MRPL21: variants seen among roughly 807,000 people sequenced by gnomAD.
MRPL21 encodes mitochondrial ribosomal protein L21.
Under a neutral mutation model 27.3 loss-of-function variants are expected in MRPL21, and 20 were observed. The observed-to-expected ratio is 0.73, with a 90% CI of 0.52 to 1.06. The LOEUF is 1.06. Ranked by LOEUF, MRPL21 falls within the 50% of genes least tolerant of loss-of-function variation. The pLI is 0.00. For missense variants in MRPL21, 249 were observed against 251.4 expected, an observed-to-expected ratio of 0.99 and a Z score of 0.06; for synonymous variants, 98 against 101.5, an observed-to-expected ratio of 0.97 and a Z score of 0.21.
chr11:68,903,500 G>A (rs902095091), intron 1 of MRPL21, among the ~76,000 whole-genome samples: 2 of 152,174 alleles, frequency 1.3e-5, no homozygotes, highest in Non-Finnish European at 2.9e-5. Context: ...CCATAACATA[G>A]GGCCTATACC....
At chr11:68,891,512 G>T in intron 6 of MRPL21, 117 bp from the exon 7 acceptor site, 1 of 936,760 alleles carries the variant, frequency 1.1e-6, no homozygotes. Context: ...GTCCCCTGCT[G>T]CACATGGCCG....
chr11:68,896,000 T>C (rs1258905704), intron 4 of MRPL21, among the ~76,000 whole-genome samples: 6 of 152,182 alleles, frequency 3.9e-5, no homozygotes. Context: ...TTTTGAATGG[T>C]CGGTGAGGTA....
chr11:68,900,639 T>C (rs768993754), intron 1 of MRPL21, 34 bp from the exon 2 acceptor site: 2 of 1,573,974 alleles, frequency 1.3e-6, no homozygotes, highest in Non-Finnish European at 1.7e-6. Context: ...ATCATTACCA[T>C]TAATACTACA....
At position 68,896,945 on chromosome 11, in the gene MRPL21, G is replaced by C. The variant is rs1027136799; in HGVS notation, c.233-267C>G. 3 of 523,094 alleles carry C rather than the reference G, an allele frequency of 5.7e-6. No individual in the cohort carries two copies. The South Asian group carries it at 8.0e-5, about 14-fold the overall frequency. The allele number at this position is 523,094 out of a possible 1,614,324, so 32.4% of individuals were successfully genotyped here. On this transcript the variant is annotated intron_variant, in intron 3 of 6. Coordinates refer to ENST00000362034, the MANE Select transcript of MRPL21 (RefSeq NM_181514.2). ...GAAGCTCCCCAAGACTGCAGAGAAC[G>C]CCCAAACCGCCTCATGCAACTCCCT...
chr11:68,895,288 G>C (rs529572925), intron 4 of MRPL21, among the ~76,000 whole-genome samples: 1 of 151,922 alleles, frequency 6.6e-6, no homozygotes, highest in South Asian at 2.1e-4. Context: ...AAAAAAAAGA[G>C]TAGGCAAAAA....
chr11:68,896,237 T>C (rs1287029467), intron 4 of MRPL21, among the ~76,000 whole-genome samples: 1 of 152,180 alleles, frequency 6.6e-6, no homozygotes, highest in African/African-American at 2.4e-5. Flanking sequence ...AATAAAGACA[T>C]GTTTCTGCCC....
intron 3 of MRPL21, chr11:68,897,545 T>C: frequency 4.5e-6 from 1 of 221,348 alleles, no homozygotes; most frequent in South Asian, 1.3e-4. Context: ...GGGCTCCAGG[T>C]CGACATGAGT....
intron 1 of MRPL21, among the ~76,000 whole-genome samples, chr11:68,901,020 C>T (rs148734194): frequency 3.5e-4 from 53 of 152,300 alleles, no homozygotes; most frequent in African/African-American, 1.1e-3. Flanking sequence ...CATGCTAGCA[C>T]GTGGCTTCTG....
At chr11:68,898,152 CT>C in intron 2 of MRPL21, 140 bp from the exon 3 acceptor site, 2 of 695,062 alleles carry the variant, frequency 2.9e-6, no homozygotes, top group Non-Finnish European at 5.2e-6. Flanking sequence ...CCCCGCCCCT[CT>C]GGGGTAACCC....
chr11:68,891,543 C>T (rs1857646589), intron 6 of MRPL21, 148 bp from the exon 7 acceptor site: 1 of 756,818 alleles, frequency 1.3e-6, no homozygotes, highest in Non-Finnish European at 2.3e-6. Context: ...CAGGTGTGCA[C>T]TGACTGCCTC....
chr11:68,899,607 G>C (rs75689211), intron 2 of MRPL21, among the ~76,000 whole-genome samples: 66 of 152,290 alleles, frequency 4.3e-4, no homozygotes, highest in Admixed American at 9.1e-4. Context: ...CTCCCCATAC[G>C]GGTTCAGCAG....
chr11:68,892,534 T>G lies in MRPL21; in HGVS notation c.553+356A>C. The G allele has an allele frequency of 3.4e-5, 7 of 203,898 alleles. 1 individual carries two copies. The highest frequency in any genetic ancestry group is 7.2e-5 in the South Asian group (1 of 13,872). 12.6% of individuals were successfully genotyped at this position (203,898 alleles called of 1,614,324 possible). On this transcript the variant is annotated intron_variant, in intron 6 of 6. Coordinates refer to ENST00000362034, the MANE Select transcript of MRPL21 (RefSeq NM_181514.2). ...GCGAGGTGGGGTCACGCGCGGAGGGTGGAGGAGAAGGGGAGCGAGGTGGGG... is the reference window on the plus strand; with the variant it reads ...GCGAGGTGGGGTCACGCGCGGAGGGGGGAGGAGAAGGGGAGCGAGGTGGGG...
chr11:68,896,699 G>C, intron 3 of MRPL21, 21 bp from the exon 4 acceptor site: 1 of 1,612,292 alleles, frequency 6.2e-7, no homozygotes. Flanking sequence ...AGGCGGGTGG[G>C]TGGGCAGTCA....
chr11:68,900,397 G>C, intron 2 of MRPL21, 151 bp downstream of exon 2: 1 of 797,896 alleles, frequency 1.3e-6, no homozygotes, highest in Non-Finnish European at 2.0e-6. Context: ...TTCAAAACCA[G>C]TCTGGGAAAC....
intron 1 of MRPL21, among the ~76,000 whole-genome samples, chr11:68,901,805 G>A (rs144959491): frequency 2.2e-4 from 33 of 152,246 alleles, no homozygotes; most frequent in African/African-American, 7.0e-4. Context: ...TTAGCCACTC[G>A]TGTCTGACGA....
rs774637204 is a variant in MRPL21 at position 68,903,761 on chromosome 11, C to G, written c.50G>C (p.Cys17Ser). Residue 17 changes from cysteine (C) to serine (S), a missense_variant, in exon 1 of 7, where the codon TGC becomes TCC. Transcript: ENST00000362034. ...CGAAGGTCTCAGGATGCTGTGGCTG[C>G]ACGCGGACGCCAGCCGCCCTAAGGT... ...TVTLGRLASA[C>S]SHSILRPSGP... 2.5e-6 allele frequency: 4 copies of G among 1,613,080 alleles called. No homozygotes were observed. The highest frequency in any genetic ancestry group is 2.5e-6 in the Non-Finnish European group (3 of 1,180,050).
At chr11:68,901,625 A>G (rs958364220) in intron 1 of MRPL21, among the ~76,000 whole-genome samples, 6 of 152,108 alleles carry the variant, frequency 3.9e-5, no homozygotes, top group Non-Finnish European at 8.8e-5. Flanking sequence ...CCATTTGGGC[A>G]TCCGGGGCTC....
At chr11:68,896,879 C>T (rs1278136604) in intron 3 of MRPL21, 2 of 622,884 alleles carry the variant, frequency 3.2e-6, no homozygotes, top group Non-Finnish European at 5.6e-6. Flanking sequence ...TCTGCTGCTT[C>T]AGGAGCACCA....
At chr11:68,893,166 G>C (rs1857695695) in intron 5 of MRPL21, among the ~76,000 whole-genome samples, 173 bp from the exon 6 acceptor site, 1 of 152,194 alleles carries the variant, frequency 6.6e-6, no homozygotes, top group South Asian at 2.1e-4. Context: ...AACAGTTCCA[G>C]GGAGTCTGAA....
Sources: allele counts gnomAD v4.1 joint callset (sites outside exome capture counted in the v4.1 genomes callset), GRCh38; gene constraint gnomAD v4.1.1; transcripts MANE v1.5; gene names NCBI Gene and HGNC (gene_info 2026-07-23, HGNC 2026-07-21).